GYPC: variants seen among roughly 807,000 people sequenced by gnomAD.
GYPC encodes glycophorin-C.
Under a neutral mutation model 12.6 loss-of-function variants are expected in GYPC, and 14 were observed. The ratio of observed to expected loss-of-function variants is 1.11; its 90% CI spans 0.74 to 1.74. The LOEUF (loss-of-function observed/expected upper bound fraction) is 1.74, where lower values mean the gene tolerates loss of function less well. Among genes scored for constraint, GYPC ranks in the 40% most tolerant of loss-of-function variants. The pLI is 0.00. For missense variants in GYPC, 225 were observed against 172.1 expected, an observed-to-expected ratio of 1.31 and a Z score of -1.72; for synonymous variants, 78 against 62.1, an observed-to-expected ratio of 1.26 and a Z score of -1.20.
chr2:126,670,926 G>GC (rs1415683289), intron 1 of GYPC, among the ~76,000 whole-genome samples: 1 of 152,144 alleles, frequency 6.6e-6, no homozygotes, highest in Non-Finnish European at 1.5e-5. Flanking sequence ...GAGACCGGTG[G>GC]CCCCCAAGCC....
At chr2:126,682,813 C>T (rs28387180) in intron 1 of GYPC, among the ~76,000 whole-genome samples, 51 of 152,270 alleles carry the variant, frequency 3.3e-4, no homozygotes, top group African/African-American at 1.2e-3. Context: ...CCAGACACCC[C>T]CTCCAGTCCC....
intron 2 of GYPC, among the ~76,000 whole-genome samples, chr2:126,690,796 C>G (rs1002682379): frequency 6.6e-6 from 1 of 152,144 alleles, no homozygotes; most frequent in Non-Finnish European, 1.5e-5. Context: ...TGCTTTGAAC[C>G]CTGAGCAACG....
rs28369981 is a variant in GYPC at position 126,672,511 on chromosome 2, C to A, written c.49+16199C>A. 6.0e-3 allele frequency among the ~76,000 whole-genome samples: 912 copies of A among 152,304 alleles called. 4 individuals are homozygous for A. The highest frequency in any genetic ancestry group is 0.024 in the Middle Eastern group (7 of 294). On this transcript the variant is annotated intron_variant, in intron 1 of 3. Transcript: ENST00000259254. ...TGTATCTTTCGGGTGCCTGGCCCTG[C>A]AGGGAATGAGTGTGAGTGTGGGTCC...
intron 1 of GYPC, among the ~76,000 whole-genome samples, chr2:126,687,708 C>T (rs1683330541): frequency 6.6e-6 from 1 of 152,228 alleles, no homozygotes; most frequent in African/African-American, 2.4e-5. Context: ...AGGGAGCCCA[C>T]ATTGGGAGGC....
chr2:126,681,558 A>T (rs985401827), intron 1 of GYPC, among the ~76,000 whole-genome samples: 8 of 137,862 alleles, frequency 5.8e-5, no homozygotes, highest in Non-Finnish European at 1.4e-4. Flanking sequence ...AGAGTATTGA[A>T]GGTACTTGTT....
At chr2:126,693,796 G>T in intron 2 of GYPC, 68 bp from the exon 3 acceptor site, 1 of 1,046,600 alleles carries the variant, frequency 9.6e-7, no homozygotes, top group East Asian at 2.4e-5. Flanking sequence ...GATGCAGCTT[G>T]GGCCAAGGTG....
chr2:126,658,134 AC>A (rs1682424149), intron 1 of GYPC: 1 of 149,274 alleles, frequency 6.7e-6, no homozygotes, highest in Non-Finnish European at 1.5e-5. Flanking sequence ...CAGTGAGAAG[AC>A]GGCCAGGTTT....
At chr2:126,662,265 G>C (rs1461938040) in intron 1 of GYPC, among the ~76,000 whole-genome samples, 1 of 152,210 alleles carries the variant, frequency 6.6e-6, no homozygotes, top group Non-Finnish European at 1.5e-5. Flanking sequence ...CCCTTCTCCT[G>C]TATTCACCGG....
At chr2:126,678,078 C>G (rs28387159) in intron 1 of GYPC, among the ~76,000 whole-genome samples, 1 of 151,872 alleles carries the variant, frequency 6.6e-6, no homozygotes, top group Non-Finnish European at 1.5e-5. Flanking sequence ...GAAAATTAGC[C>G]GGCCCTGGTG....
intron 3 of GYPC, 50 bp downstream of exon 3, chr2:126,693,997 G>T (rs761283477): frequency 1.6e-6 from 2 of 1,241,770 alleles, no homozygotes; most frequent in Admixed American, 1.7e-5. Context: ...GGGGGCCTTG[G>T]TGAAAACATC....
At chr2:126,667,076 A>G (rs1455643547) in intron 1 of GYPC, among the ~76,000 whole-genome samples, 1 of 152,154 alleles carries the variant, frequency 6.6e-6, no homozygotes, top group Non-Finnish European at 1.5e-5. Flanking sequence ...TGCCATGTAG[A>G]ATATCTCCTC....
chr2:126,666,814 G>A (rs1041701408), intron 1 of GYPC, among the ~76,000 whole-genome samples: 4 of 150,892 alleles, frequency 2.7e-5, no homozygotes, highest in African/African-American at 9.8e-5. Flanking sequence ...ATCTCCTTGC[G>A]TTTCTTAGCA....
chr2:126,668,979 G>T (rs1329444844), intron 1 of GYPC, among the ~76,000 whole-genome samples: 1 of 152,236 alleles, frequency 6.6e-6, no homozygotes, highest in African/African-American at 2.4e-5. Context: ...TGCTGAACTG[G>T]CTCAATAGCT....
rs779833117 is a variant in GYPC at position 126,690,340 on chromosome 2, A to G, written c.106+29A>G. On this transcript the variant is annotated intron_variant, in intron 2 of 3. Coordinates refer to ENST00000259254, the MANE Select transcript of GYPC (RefSeq NM_002101.5). Reference sequence around the variant, plus strand: ...AGTTCTCATCACAGAGCCTCACCATAATGGAAACTGCCGTGACTTCAGATG... The same window carrying G: ...AGTTCTCATCACAGAGCCTCACCATGATGGAAACTGCCGTGACTTCAGATG... The G allele has an allele frequency of 2.8e-5, 43 of 1,530,528 alleles. 3 individuals carry two copies. The highest frequency in any genetic ancestry group is 2.2e-4 in the South Asian group (20 of 89,484). 94.8% of individuals were successfully genotyped at this position (1,530,528 alleles called of 1,614,324 possible). A position where few individuals can be genotyped will look rare whatever the true frequency, so the allele number is the denominator to read the frequency against.
intron 1 of GYPC, among the ~76,000 whole-genome samples, chr2:126,663,002 CCT>C (rs1682573947): frequency 1.3e-5 from 2 of 151,986 alleles, no homozygotes; most frequent in Non-Finnish European, 2.9e-5. Context: ...AGGGAAAGGC[CCT>C]CTCGCTCCCG....
At chr2:126,677,943 C>T (rs1043878566) in intron 1 of GYPC, among the ~76,000 whole-genome samples, 2 of 152,222 alleles carry the variant, frequency 1.3e-5, no homozygotes, top group African/African-American at 2.4e-5. Context: ...CCCCATCGGC[C>T]GGGTGCAGCG....
intron 1 of GYPC, chr2:126,685,951 C>A: frequency 1.0e-6 from 1 of 985,190 alleles, no homozygotes; most frequent in Non-Finnish European, 1.2e-6. Flanking sequence ...TCTCAACTCC[C>A]CTCCTTCGAG....
chr2:126,688,475 C>G (rs1683354469), intron 1 of GYPC, among the ~76,000 whole-genome samples: 1 of 152,300 alleles, frequency 6.6e-6, no homozygotes, highest in East Asian at 1.9e-4. Flanking sequence ...GGAGGCTGCA[C>G]TTGTTCACTG....
At chr2:126,695,380 G>A (rs1000579845) in intron 3 of GYPC, among the ~76,000 whole-genome samples, 1 of 152,148 alleles carries the variant, frequency 6.6e-6, no homozygotes, top group African/African-American at 2.4e-5. Flanking sequence ...AAGGAGAGGA[G>A]GGAAGAGGAA....
Sources: allele counts gnomAD v4.1 joint callset (sites outside exome capture counted in the v4.1 genomes callset), GRCh38; gene constraint gnomAD v4.1.1; transcripts MANE v1.5; gene names NCBI Gene and HGNC (gene_info 2026-07-23, HGNC 2026-07-21).